The following CASS4 variants were observed in gnomAD, a reference collection of about 807,000 sequenced individuals.
CASS4 encodes cas scaffolding protein family member 4.
Under a neutral mutation model 54.2 loss-of-function variants are expected in CASS4, and 22 were observed. The ratio of observed to expected loss-of-function variants is 0.41; its 90% CI spans 0.29 to 0.58. The LOEUF (loss-of-function observed/expected upper bound fraction) is 0.58, where lower values mean the gene tolerates loss of function less well. Among genes scored for constraint, CASS4 ranks in the 20% least tolerant of loss-of-function variants. CASS4 has a pLI of 0.36. For missense variants in CASS4, 854 were observed against 986.7 expected, an observed-to-expected ratio of 0.87 and a Z score of 1.80; for synonymous variants, 409 against 391.5, an observed-to-expected ratio of 1.04 and a Z score of -0.53.
At chr20:56,443,996 G>T (rs533185309) in intron 2 of CASS4, among the ~76,000 whole-genome samples, 1 of 152,148 alleles carries the variant, frequency 6.6e-6, no homozygotes, top group Non-Finnish European at 1.5e-5. Flanking sequence ...GTCACTCAAC[G>T]AAGGGGGCTG....
intron 4 of CASS4, among the ~76,000 whole-genome samples, chr20:56,451,591 A>G (rs1980998946): frequency 6.6e-6 from 1 of 152,192 alleles, no homozygotes; most frequent in Non-Finnish European, 1.5e-5. Flanking sequence ...AGGGGAAAGT[A>G]AACAGCTTGG....
At chr20:56,436,336 ATGTGTG>A (rs35972653) in intron 1 of CASS4, among the ~76,000 whole-genome samples, 5 of 142,464 alleles carry the variant, frequency 3.5e-5, no homozygotes, top group East Asian at 4.1e-4. Flanking sequence ...TGCTATATAT[ATGTGTG>A]TGTGTGTGTG....
Position 56,458,796 on chromosome 20 carries a change from C to T in CASS4, c.*49C>T. 2.0e-6 allele frequency: 3 copies of T among 1,503,268 alleles called. No individual in the cohort carries two copies. The highest frequency in any genetic ancestry group is 9.0e-7 in the Non-Finnish European group (1 of 1,115,958). The allele number at this position is 1,503,268 out of a possible 1,614,324, so 93.1% of individuals were successfully genotyped here. ...TCTGCTCACCTCTCAGCTTCACACCCACAACTTGTGCAACTCTGCCCTATG... is the reference window on the plus strand; with the variant it reads ...TCTGCTCACCTCTCAGCTTCACACCTACAACTTGTGCAACTCTGCCCTATG... On this transcript the variant is annotated 3_prime_UTR_variant, in exon 6 of 6. Transcript: ENST00000679887.
intron 2 of CASS4, 69 bp from the exon 3 acceptor site, chr20:56,445,831 A>G: frequency 8.0e-7 from 1 of 1,243,910 alleles, no homozygotes; most frequent in African/African-American, 1.5e-5. Flanking sequence ...TGGAGAGATG[A>G]CTTTGAACCT....
intron 1 of CASS4, among the ~76,000 whole-genome samples, chr20:56,434,678 C>G (rs1254722278): frequency 6.6e-6 from 1 of 151,790 alleles, no homozygotes; most frequent in Non-Finnish European, 1.5e-5. Context: ...AACTCCTGAC[C>G]TCATCATCTG....
At position 56,412,274 on chromosome 20, in the gene CASS4, C is replaced by T. The variant is rs1412485037; in HGVS notation, c.-185C>T. 1.5e-6 allele frequency: 1 copy of T among 650,568 alleles called. No homozygotes were observed. Among genetic ancestry groups the T allele is most frequent in the South Asian group, 1.8e-5 (1 of 56,412 alleles). The allele number at this position is 650,568 out of a possible 1,614,324, so 40.3% of individuals were successfully genotyped here. ...TTCACTGCTTTCATTTTACTCTTATCGTGCTTTCCAGAAAGTTTGCCTGCT... is the reference window on the plus strand; with the variant it reads ...TTCACTGCTTTCATTTTACTCTTATTGTGCTTTCCAGAAAGTTTGCCTGCT... On this transcript the variant is annotated 5_prime_UTR_variant, in exon 1 of 6. Transcript: ENST00000679887. The surrounding 1 kb of genome is among the most constrained non-coding windows in gnomAD (Gnocchi z 4.2).
chr20:56,439,968 G>A (rs911446688), intron 2 of CASS4, among the ~76,000 whole-genome samples: 7 of 152,214 alleles, frequency 4.6e-5, no homozygotes, highest in African/African-American at 1.4e-4. Flanking sequence ...CATGTGCTGT[G>A]GGGGCCCCAG....
At chr20:56,418,972 T>G (rs1401520328) in intron 1 of CASS4, among the ~76,000 whole-genome samples, 1 of 152,208 alleles carries the variant, frequency 6.6e-6, no homozygotes, top group African/African-American at 2.4e-5. Flanking sequence ...CTGTAGTCTT[T>G]GAACATTTTA....
At position 56,453,014 on chromosome 20, in the gene CASS4, A is replaced by G. The variant is rs1179247650; in HGVS notation, c.1838A>G (p.Gln613Arg). ...NAEFKCEKYIQPPQRETESHQ... is the reference protein window; with the variant it reads ...NAEFKCEKYIRPPQRETESHQ... Reference sequence around the variant, plus strand: ...GAATTTAAGTGTGAAAAATACATCCAGCCTCCCCAAAGAGAAACTGAATCA... The same window carrying G: ...GAATTTAAGTGTGAAAAATACATCCGGCCTCCCCAAAGAGAAACTGAATCA... Residue 613 changes from glutamine (Q) to arginine (R), a missense_variant, in exon 5 of 6, where the codon CAG (glutamine) becomes CGG (arginine). Gln to Arg is a conservative substitution (Grantham distance 43). Coordinates refer to ENST00000679887, the MANE Select transcript of CASS4 (RefSeq NM_020356.4). 6.2e-7 allele frequency: 1 copy of G among 1,614,110 alleles called. No homozygotes were observed. The highest frequency in any genetic ancestry group is 8.5e-7 in the Non-Finnish European group (1 of 1,180,008).
intron 1 of CASS4, among the ~76,000 whole-genome samples, chr20:56,419,756 T>C (rs937942303): frequency 3.6e-4 from 54 of 147,946 alleles, no homozygotes; most frequent in Non-Finnish European, 3.0e-5. Context: ...AAAACTCCTC[T>C]AGGAGGCCAG....
intron 4 of CASS4, 116 bp downstream of exon 4, chr20:56,450,795 A>G: frequency 1.1e-6 from 1 of 912,276 alleles, no homozygotes; most frequent in South Asian, 1.5e-5. Flanking sequence ...GCACTTTGAG[A>G]GGCCGAGGTG....
In CASS4 at chr20:56,432,355, C is replaced by CTTT. The variant is rs922336949; in HGVS notation, c.37-4783_37-4781dup. Among the ~76,000 whole-genome samples the CTTT allele has an allele frequency of 3.8e-4, 38 of 101,072 alleles. 1 individual carries two copies. Among genetic ancestry groups the CTTT allele is most frequent in the Non-Finnish European group, 4.8e-4 (24 of 49,556 alleles). 66.3% of individuals were successfully genotyped at this position (101,072 alleles called of 152,430 possible). ...AAGTAGCATGTAAGTTTCATAAGTC[C>CTTT]TTTTTTTTTTTTTTTTTTTTTTTTT... On this transcript the variant is annotated intron_variant, in intron 1 of 5. Transcript: ENST00000679887.
chr20:56,437,792 C>T lies in CASS4; in HGVS notation c.459+206C>T, dbSNP rs1020960692. 3.8e-4 allele frequency among the ~76,000 whole-genome samples: 58 copies of T among 152,212 alleles called. No homozygotes were observed. Among genetic ancestry groups the T allele is most frequent in the African/African-American group, 1.3e-3 (55 of 41,530 alleles). On this transcript the variant is annotated intron_variant, in intron 2 of 5. Coordinates refer to ENST00000679887, the MANE Select transcript of CASS4 (RefSeq NM_020356.4). The surrounding 1 kb of genome is among the most constrained non-coding windows in gnomAD (Gnocchi z 4.7). ...ACCCCCTTGTCGTTGACACCCTTGG[C>T]GCCACTGTGATTCCCCAGCTCTCCA... is the stretch of plus-strand genomic sequence containing the variant.
chr20:56,450,321 G>T (rs6024883), intron 3 of CASS4, among the ~76,000 whole-genome samples: 15,219 of 152,236 alleles, frequency 0.1, 981 homozygotes, highest in African/African-American at 0.17. Flanking sequence ...ACCACGCCCG[G>T]CTGAGAAGTC....
In CASS4 at chr20:56,458,610, A is replaced by C; in HGVS notation, c.2224A>C (p.Ser742Arg). The C allele has an allele frequency of 6.2e-7, 1 of 1,613,990 alleles. No homozygotes were observed. The highest frequency in any genetic ancestry group is 2.2e-5 in the East Asian group (1 of 44,882). ...CCTCCGTGGCAGCAGTCACCTCTGC[A>C]GCCTGCTCAAGGACGTAGCGCTGGC... is the stretch of plus-strand genomic sequence containing the variant. The part of the protein sequence containing the change: ...EILRGSSHLC[S>R]LLKDVALATK... Residue 742 changes from serine to arginine, a missense_variant, in exon 6 of 6, where the codon AGC (serine) becomes CGC (arginine). Ser to Arg is a moderately radical substitution (Grantham distance 110). Transcript: ENST00000679887.
chr20:56,456,466 C>G (rs191240147), intron 5 of CASS4, among the ~76,000 whole-genome samples: 15 of 152,124 alleles, frequency 9.9e-5, no homozygotes, highest in Non-Finnish European at 1.8e-4. Context: ...CTCCGCCTCA[C>G]AGGTTCGGGC....
At chr20:56,450,518 C>A in intron 3 of CASS4, 81 bp from the exon 4 acceptor site, 3 of 1,277,396 alleles carry the variant, frequency 2.3e-6, no homozygotes, top group Non-Finnish European at 2.2e-6. Flanking sequence ...TGGAAAAAAA[C>A]ACTGGAATAG....
intron 1 of CASS4, among the ~76,000 whole-genome samples, chr20:56,413,221 A>G (rs1391780113): frequency 1.3e-5 from 2 of 152,056 alleles, no homozygotes; most frequent in African/African-American, 4.8e-5. Flanking sequence ...TATTAAAAAA[A>G]AATTTACCCA....
At chr20:56,446,755 AC>A (rs1400182098) in intron 3 of CASS4, among the ~76,000 whole-genome samples, 1 of 151,964 alleles carries the variant, frequency 6.6e-6, no homozygotes, top group Non-Finnish European at 1.5e-5. Flanking sequence ...CTGTGCCCCA[AC>A]CCCAGAGACT....
Sources: allele counts gnomAD v4.1 joint callset (sites outside exome capture counted in the v4.1 genomes callset), GRCh38; gene constraint gnomAD v4.1.1; non-coding constraint Gnocchi (gnomAD v3.1); transcripts MANE v1.5; gene names NCBI Gene and HGNC (gene_info 2026-07-23, HGNC 2026-07-21).